Variants in TMEM131 observed in about 807,000 individuals in gnomAD.
The protein encoded by TMEM131 is transmembrane protein 131, also known as 2610524E03Rik.
A neutral mutation model predicts 211.6 loss-of-function variants in TMEM131; 66 were observed. The observed-to-expected ratio is 0.31, with a 90% CI of 0.26 to 0.38. TMEM131 has a LOEUF of 0.38. Ranked by LOEUF, TMEM131 falls within the 10% of genes least tolerant of loss-of-function variation. The pLI is 1.00. For missense variants in TMEM131, 2,036 were observed against 2,299.3 expected (o/e 0.89, Z 2.34); for synonymous variants, 844 against 841.3 (o/e 1.00, Z -0.06).
chr2:97,905,042 T>C (rs1676011208), intron 3 of TMEM131, among the ~76,000 whole-genome samples: 2 of 152,198 alleles, frequency 1.3e-5, no homozygotes, highest in South Asian at 4.1e-4. Context: ...TTTTTTATAT[T>C]TTTCCACATA....
At chr2:97,948,459 C>A (rs1352455901) in intron 1 of TMEM131, among the ~76,000 whole-genome samples, 1 of 152,044 alleles carries the variant, frequency 6.6e-6, no homozygotes, top group East Asian at 1.9e-4. Context: ...AAAAGATGCT[C>A]AAAATCCTTA....
At chr2:97,885,166 A>C (rs916068846) in intron 4 of TMEM131, among the ~76,000 whole-genome samples, 1 of 152,210 alleles carries the variant, frequency 6.6e-6, no homozygotes, top group African/African-American at 2.4e-5. Context: ...CCAGTCTAGC[A>C]GTGATGAATT....
At chr2:97,794,196 G>A (rs987295365) in intron 29 of TMEM131, among the ~76,000 whole-genome samples, 8 of 151,506 alleles carry the variant, frequency 5.3e-5, no homozygotes, top group South Asian at 2.1e-4. Context: ...CACCACATCC[G>A]GCTAATTTTT....
At chr2:97,860,543 T>C (rs1405405613) in intron 4 of TMEM131, among the ~76,000 whole-genome samples, 1 of 152,264 alleles carries the variant, frequency 6.6e-6, no homozygotes, top group African/African-American at 2.4e-5. Flanking sequence ...CATTTTATAT[T>C]TCGTTCAACT....
chr2:97,870,618 G>T (rs988966411), intron 4 of TMEM131, among the ~76,000 whole-genome samples: 2 of 152,176 alleles, frequency 1.3e-5, no homozygotes, highest in African/African-American at 4.8e-5. Flanking sequence ...AAAGTAAACT[G>T]CAATTTTGTG....
At chr2:97,799,818 T>G (rs1237391612) in intron 25 of TMEM131, among the ~76,000 whole-genome samples, 1 of 152,218 alleles carries the variant, frequency 6.6e-6, no homozygotes. Flanking sequence ...TGTAATTACA[T>G]GTCTGTAGCA....
chr2:97,990,232 G>C (rs781360958), intron 1 of TMEM131, among the ~76,000 whole-genome samples: 8 of 151,506 alleles, frequency 5.3e-5, no homozygotes, highest in Non-Finnish European at 1.0e-4. Flanking sequence ...TTCCTTTTAA[G>C]AACCTTCATG....
intron 8 of TMEM131, 108 bp downstream of exon 8, chr2:97,836,969 A>G: frequency 1.2e-6 from 1 of 819,802 alleles, no homozygotes; most frequent in Non-Finnish European, 2.0e-6. Context: ...ACGATTAAAG[A>G]GAAGTCATCC....
chr2:97,917,449 G>A (rs1463607396), intron 2 of TMEM131, among the ~76,000 whole-genome samples: 1 of 152,130 alleles, frequency 6.6e-6, no homozygotes, highest in Non-Finnish European at 1.5e-5. Flanking sequence ...TACAGACAAT[G>A]TACAGTCCCA....
At chr2:97,885,962 C>G (rs1292097091) in intron 4 of TMEM131, among the ~76,000 whole-genome samples, 1 of 151,926 alleles carries the variant, frequency 6.6e-6, no homozygotes, top group Non-Finnish European at 1.5e-5. Context: ...TTTCTTCACC[C>G]TTTTTTCTTT....
At chr2:97,846,825 C>T (rs955624678) in intron 5 of TMEM131, among the ~76,000 whole-genome samples, 5 of 152,162 alleles carry the variant, frequency 3.3e-5, no homozygotes, top group Non-Finnish European at 7.3e-5. Context: ...AATGCTTTTC[C>T]TCCAAAATTT....
chr2:97,968,070 C>G (rs977590709), intron 1 of TMEM131, among the ~76,000 whole-genome samples: 6 of 152,088 alleles, frequency 3.9e-5, no homozygotes, highest in African/African-American at 1.4e-4. Context: ...CCGACCTATC[C>G]TGGCAACCAC....
At chr2:97,789,869 C>T (rs1680420287) in intron 31 of TMEM131, among the ~76,000 whole-genome samples, 1 of 152,184 alleles carries the variant, frequency 6.6e-6, no homozygotes, top group South Asian at 2.1e-4. Context: ...GAACAGGCGG[C>T]ATTTCTGGGC....
chr2:97,968,489 A>G (rs1425911527), intron 1 of TMEM131, among the ~76,000 whole-genome samples: 1 of 152,202 alleles, frequency 6.6e-6, no homozygotes, highest in Non-Finnish European at 1.5e-5. Flanking sequence ...TACCACACAC[A>G]TTTCAGACAA....
At chr2:97,983,966 T>G (rs1047758523) in intron 1 of TMEM131, among the ~76,000 whole-genome samples, 1 of 152,184 alleles carries the variant, frequency 6.6e-6, no homozygotes, top group Non-Finnish European at 1.5e-5. Context: ...CCCACTCAAC[T>G]TGTGATAATT....
At chr2:97,978,038 G>C (rs1679620191) in intron 1 of TMEM131, among the ~76,000 whole-genome samples, 1 of 152,158 alleles carries the variant, frequency 6.6e-6, no homozygotes, top group Admixed American at 6.5e-5. Context: ...AGTGAGCCGA[G>C]ACTGCGCCAC....
chr2:97,885,357 A>G (rs1249709650), intron 4 of TMEM131, among the ~76,000 whole-genome samples: 1 of 149,954 alleles, frequency 6.7e-6, no homozygotes, highest in Admixed American at 6.6e-5. Flanking sequence ...ACGCCCAGCT[A>G]ATTTTTTTTT....
At chr2:97,986,096 CAA>C (rs928809346) in intron 1 of TMEM131, among the ~76,000 whole-genome samples, 23 of 152,232 alleles carry the variant, frequency 1.5e-4, no homozygotes, top group African/African-American at 4.6e-4. Context: ...GGAAAACTGA[CAA>C]AAGACTGATC....
chr2:97,976,939 G>C lies in TMEM131; in HGVS notation c.187+18537C>G, dbSNP rs558131786. Among the ~76,000 whole-genome samples, 7 of 110,680 alleles carry C rather than the reference G, an allele frequency of 6.3e-5. No individual in the cohort carries two copies. The South Asian group carries it at 1.7e-3, about 27-fold the overall frequency. 72.6% of individuals were successfully genotyped at this position (110,680 alleles called of 152,430 possible). A position where few individuals can be genotyped will look rare whatever the true frequency, so the allele number is the denominator to read the frequency against. On this transcript the variant is annotated intron_variant, in intron 1 of 40. Transcript: ENST00000186436. ...TTAATTGACTTTTTAATAGACACTA[G>C]AAGAACTGGTTATTTATATGCAAAA...
Sources: gnomAD v4.1 joint callset for allele counts (sites outside exome capture counted in the v4.1 genomes callset) on GRCh38, gnomAD v4.1.1 for gene constraint, MANE v1.5 for transcripts, NCBI Gene and HGNC (gene_info 2026-07-23, HGNC 2026-07-21) for gene names.